Variants in NTF3 observed in about 807,000 individuals in gnomAD.
NTF3 encodes neurotrophin 3, also known as neurotrophin-3.
NTF3 carries 8 observed loss-of-function variants against 26.3 expected under a neutral mutation model. The ratio of observed to expected loss-of-function variants is 0.30; its 90% CI spans 0.18 to 0.55. The LOEUF (loss-of-function observed/expected upper bound fraction) is 0.55, where lower values mean the gene tolerates loss of function less well. Among genes scored for constraint, NTF3 ranks in the 20% least tolerant of loss-of-function variants. The probability of loss-of-function intolerance (pLI) is 0.93; values close to 1 mark genes in which losing one functional copy is unlikely to be tolerated. For missense variants in NTF3, 276 were observed against 352.9 expected (o/e 0.78, Z 1.75); for synonymous variants, 154 against 145.5 (o/e 1.06, Z -0.42).
At chr12:5,464,902 T>C (rs1940570558) in intron 1 of NTF3, among the ~76,000 whole-genome samples, 1 of 152,206 alleles carries the variant, frequency 6.6e-6, no homozygotes, top group South Asian at 2.1e-4. Flanking sequence ...TCTCAGCACC[T>C]GAACAACTGG....
At position 5,494,663 on chromosome 12, in the gene NTF3, C is replaced by T. The variant is rs750441399; in HGVS notation, c.488C>T (p.Ser163Leu). 3 of 1,614,100 alleles carry T rather than the reference C, an allele frequency of 1.9e-6. No individual in the cohort carries two copies. In the Admixed American group the frequency reaches 5.0e-5, roughly 27 times the overall value. Reference protein sequence around the residue: ...AEHKSHRGEYSVCDSESLWVT... With the variant: ...AEHKSHRGEYLVCDSESLWVT... ...CATAAGAGTCACCGAGGGGAGTACT[C>T]GGTATGTGACAGTGAGAGTCTGTGG... Residue 163 changes from serine to leucine, a missense_variant, in exon 2 of 2, where the codon TCG becomes TTG. Ser to Leu is a moderately radical substitution (Grantham distance 145). This residue lies in a region of NTF3 where 221 missense variants were observed against 258.2 expected (regional missense o/e 0.86). Transcript: ENST00000423158. This position sits in a 1 kb window ranked among gnomAD's most constrained non-coding sequence, Gnocchi z 8.3.
intron 1 of NTF3, 152 bp downstream of exon 1, chr12:5,432,494 T>G: frequency 4.8e-6 from 2 of 416,280 alleles, no homozygotes; most frequent in Non-Finnish European, 6.4e-6. Flanking sequence ...CCCGGGCTTG[T>G]GTCTTCCCCA....
chr12:5,434,472 A>AGTGTGTGTGT (rs59874216), intron 1 of NTF3, among the ~76,000 whole-genome samples: 1,982 of 142,754 alleles, frequency 0.014, 22 homozygotes, highest in African/African-American at 0.023. Context: ...GTTTTTCCAA[A>AGTGTGTGTGT]GTGTGTGTGT....
chr12:5,446,078 T>C (rs988403091), intron 1 of NTF3, among the ~76,000 whole-genome samples: 3 of 152,154 alleles, frequency 2.0e-5, no homozygotes, highest in African/African-American at 7.2e-5. Context: ...TATTTATATG[T>C]GTCATCGTAG....
intron 1 of NTF3, among the ~76,000 whole-genome samples, chr12:5,472,255 T>C (rs990595090): frequency 1.3e-5 from 2 of 152,120 alleles, no homozygotes; most frequent in Non-Finnish European, 2.9e-5. Flanking sequence ...GAAGGGAAAG[T>C]ATAAGCAGGC....
chr12:5,443,238 C>G (rs1940261690), intron 1 of NTF3, among the ~76,000 whole-genome samples: 1 of 152,166 alleles, frequency 6.6e-6, no homozygotes, highest in African/African-American at 2.4e-5. Flanking sequence ...CAAAGCAAGG[C>G]TGTTGGTCTT....
Position 5,456,348 on chromosome 12 carries a change from T to G in NTF3, c.18+24006T>G, listed in dbSNP as rs1179603375. The stretch of plus-strand genomic sequence containing the variant: ...AGTGAAAAATAAATGGATGGTAGCC[T>G]CCTTTTGTGATTTTTGCAGCGGCCT... On this transcript the variant is annotated intron_variant, in intron 1 of 1. Transcript: ENST00000423158. This position sits in a 1 kb window ranked among gnomAD's most constrained non-coding sequence, Gnocchi z 4.4. 6.6e-6 allele frequency among the ~76,000 whole-genome samples: 1 copy of G among 152,048 alleles called. No homozygotes were observed. Among genetic ancestry groups the G allele is most frequent in the Admixed American group, 6.6e-5 (1 of 15,266 alleles).
chr12:5,450,938 TGA>T (rs1940364702), intron 1 of NTF3, among the ~76,000 whole-genome samples: 2 of 152,346 alleles, frequency 1.3e-5, no homozygotes, highest in African/African-American at 4.8e-5. Flanking sequence ...TTCAAATGAC[TGA>T]GTAACTCATC....
rs143340870 is a variant in NTF3, at chr12:5,494,565, G to T, written c.390G>T (p.Leu130Phe). 1.2e-5 allele frequency: 20 copies of T among 1,613,980 alleles called. No individual in the cohort carries two copies. In the African/African-American group the frequency reaches 2.1e-4, roughly 17 times the overall value. Residue 130 changes from leucine (L) to phenylalanine (F), a missense_variant, in exon 2 of 2, where the codon TTG becomes TTT. Leu to Phe is a conservative substitution (Grantham distance 22). Transcript: ENST00000423158. This position sits in a 1 kb window ranked among gnomAD's most constrained non-coding sequence, Gnocchi z 8.3. ...SDSTPLEPPP[L>F]YLMEDYVGSP... ...GCACCCCCTTGGAGCCCCCGCCCTT[G>T]TATCTCATGGAGGATTACGTGGGCA...
chr12:5,482,813 T>C (rs1275373209), intron 1 of NTF3, among the ~76,000 whole-genome samples: 1 of 151,574 alleles, frequency 6.6e-6, no homozygotes, highest in Non-Finnish European at 1.5e-5. Flanking sequence ...CGCTCTTTTT[T>C]TTCAATCTCT....
chr12:5,487,446 CT>C (rs1197840153), intron 1 of NTF3, among the ~76,000 whole-genome samples: 1 of 152,244 alleles, frequency 6.6e-6, no homozygotes, highest in Non-Finnish European at 1.5e-5. Flanking sequence ...CTGTTCCTCA[CT>C]TTCTGGCCTT....
At chr12:5,461,888 T>C (rs1028573424) in intron 1 of NTF3, among the ~76,000 whole-genome samples, 1 of 152,146 alleles carries the variant, frequency 6.6e-6, no homozygotes, top group African/African-American at 2.4e-5. Flanking sequence ...TAAAAAGAAA[T>C]ATGAAGAACT....
intron 1 of NTF3, among the ~76,000 whole-genome samples, chr12:5,437,461 T>C (rs1285768623): frequency 6.6e-6 from 1 of 152,190 alleles, no homozygotes; most frequent in Non-Finnish European, 1.5e-5. Flanking sequence ...TTTCCCTACA[T>C]TCAGGATGCC....
intron 1 of NTF3, among the ~76,000 whole-genome samples, chr12:5,465,929 T>C (rs1940583799): frequency 6.6e-6 from 1 of 152,230 alleles, no homozygotes; most frequent in African/African-American, 2.4e-5. Flanking sequence ...GAAACTTCTC[T>C]TTATAGCTCC....
At chr12:5,481,398 C>G (rs1163003262) in intron 1 of NTF3, among the ~76,000 whole-genome samples, 1 of 30,590 alleles carries the variant, frequency 3.3e-5, no homozygotes, top group Non-Finnish European at 7.9e-5. Flanking sequence ...CAGATGCACA[C>G]AGAATAACAA....
At chr12:5,432,823 C>T (rs934400420) in intron 1 of NTF3, among the ~76,000 whole-genome samples, 1 of 152,084 alleles carries the variant, frequency 6.6e-6, no homozygotes, top group African/African-American at 2.4e-5. Flanking sequence ...CGAGAAAGCT[C>T]CTAGCGCATC....
intron 1 of NTF3, among the ~76,000 whole-genome samples, chr12:5,454,886 A>C (rs1159093897): frequency 1.3e-5 from 2 of 152,190 alleles, no homozygotes; most frequent in Non-Finnish European, 1.5e-5. Flanking sequence ...GGGGAGGTGC[A>C]GAAGGCTGCT....
chr12:5,455,415 C>T lies in NTF3; in HGVS notation c.18+23073C>T, dbSNP rs565828502. On this transcript the variant is annotated intron_variant, in intron 1 of 1. Transcript: ENST00000423158. ...CTGTCCAGGAGGCAGGAGGACGATGCATGCAAGTCAGGGCTTAGGGCAGAA... is the reference window on the plus strand; with the variant it reads ...CTGTCCAGGAGGCAGGAGGACGATGTATGCAAGTCAGGGCTTAGGGCAGAA... Among the ~76,000 whole-genome samples, 10 of 152,230 alleles carry T rather than the reference C, an allele frequency of 6.6e-5. No individual in the cohort carries two copies. The South Asian group carries it at 2.1e-3, about 32-fold the overall frequency.
At chr12:5,484,355 C>T (rs142342207) in intron 1 of NTF3, among the ~76,000 whole-genome samples, 209 of 152,186 alleles carry the variant, frequency 1.4e-3, no homozygotes, top group African/African-American at 2.9e-3. Context: ...ATCATTTCTT[C>T]TCTATTTGGT....
Sources: gnomAD v4.1 joint callset for allele counts (sites outside exome capture counted in the v4.1 genomes callset) on GRCh38, gnomAD v4.1.1 for gene constraint, gnomAD v4.1.1 regional missense constraint, Gnocchi (gnomAD v3.1) non-coding constraint, MANE v1.5 for transcripts, NCBI Gene and HGNC (gene_info 2026-07-23, HGNC 2026-07-21) for gene names.